HFE: variants seen among roughly 807,000 people sequenced by gnomAD.
HFE encodes the protein homeostatic iron regulator, also known as hereditary hemochromatosis protein.
In HFE, 36 loss-of-function variants were observed where a neutral mutation model predicts 40.9. The ratio of observed to expected loss-of-function variants is 0.88; its 90% CI spans 0.67 to 1.16. The LOEUF (loss-of-function observed/expected upper bound fraction) is 1.16. Ranked by LOEUF, HFE falls within the 50% of genes most tolerant of loss-of-function variation. The probability of loss-of-function intolerance (pLI) is 0.00; values close to 1 mark genes in which losing one functional copy is unlikely to be tolerated. For synonymous variants in HFE, 157 were observed against 165.4 expected (o/e 0.95, Z 0.39); for missense variants, 376 against 432.0 (o/e 0.87, Z 1.15).
rs1209233771 is a variant in HFE, at chr6:26,096,236, C to T, written c.*2010C>T. The T allele has an allele frequency of 2.2e-5, 6 of 270,770 alleles. No homozygotes were observed. The Admixed American group carries it at 2.5e-4, about 11-fold the overall frequency. 16.8% of individuals were successfully genotyped at this position (270,770 alleles called of 1,614,324 possible). A position where few individuals can be genotyped will look rare whatever the true frequency, so the allele number is the denominator to read the frequency against. The stretch of plus-strand genomic sequence containing the variant: ...GTAACCTCTGCCTCCCAGGTTCAAG[C>T]GATTCTCCTGTCTCAGCCTCCCAAG... On this transcript the variant is annotated 3_prime_UTR_variant, in exon 6 of 6. Coordinates refer to ENST00000357618, the MANE Select transcript of HFE (RefSeq NM_000410.4).
chr6:26,094,139 G>T (rs1572982), intron 5 of HFE, 47 bp from the exon 6 acceptor site: 8 of 1,582,416 alleles, frequency 5.1e-6, no homozygotes, highest in Admixed American at 5.0e-5. Flanking sequence ...AGGCAAGATG[G>T]TGCCTAGGTT....
At position 26,096,954 on chromosome 6, in the gene HFE, A is replaced by T. The variant is rs903386885; in HGVS notation, c.*2728A>T. Reference sequence around the variant, plus strand: ...TTGTCTTACGGAATATTTTCATTCAACTGTGGTAGCCGAATTAATCGTGTT... The same window carrying T: ...TTGTCTTACGGAATATTTTCATTCATCTGTGGTAGCCGAATTAATCGTGTT... On this transcript the variant is annotated 3_prime_UTR_variant, in exon 6 of 6. Transcript: ENST00000357618. 4.5e-6 allele frequency: 1 copy of T among 221,104 alleles called. No homozygotes were observed. Among genetic ancestry groups the T allele is most frequent in the East Asian group, 1.4e-4 (1 of 6,956 alleles). The allele number at this position is 221,104 out of a possible 1,614,324, so 13.7% of individuals were successfully genotyped here.
intron 1 of HFE, among the ~76,000 whole-genome samples, chr6:26,089,137 A>AGGGGGGGGG (rs1325415029): frequency 1.6e-5 from 1 of 62,632 alleles, no homozygotes; most frequent in African/African-American, 6.1e-5. Flanking sequence ...GGGGGTGGGA[A>AGGGGGGGGG]GGGGGACTAC....
In HFE at chr6:26,091,442, G is replaced by A. The variant is rs199879669; in HGVS notation, c.469G>A (p.Ala157Thr). ...EFCPDTLDWRAAEPRAWPTKL... is the reference protein window; with the variant it reads ...EFCPDTLDWRTAEPRAWPTKL... ...CTGCCCTGACACACTGGATTGGAGA[G>A]CAGCAGAACCCAGGGCCTGGCCCAC... The change falls in exon 3 of 6, where the codon GCA becomes ACA. Residue 157 changes from alanine to threonine, a missense_variant. Ala to Thr is a moderately conservative substitution (Grantham distance 58). Coordinates refer to ENST00000357618, the MANE Select transcript of HFE (RefSeq NM_000410.4). The A allele has an allele frequency of 1.2e-6, 2 of 1,614,196 alleles. No homozygotes were observed. Among genetic ancestry groups the A allele is most frequent in the South Asian group, 2.2e-5 (2 of 91,090 alleles).
Position 26,096,424 on chromosome 6 carries a change from C to T in HFE, c.*2198C>T, listed in dbSNP as rs1763034842. ...GCTGAGATTACAGGTGTGAGCCACC[C>T]TGCCCAGCCGTCAAAAGAGTCTTAA... is the stretch of plus-strand genomic sequence containing the variant. On this transcript the variant is annotated 3_prime_UTR_variant, in exon 6 of 6. Coordinates refer to ENST00000357618, the MANE Select transcript of HFE (RefSeq NM_000410.4). 1 of 455,108 alleles carries T rather than the reference C, an allele frequency of 2.2e-6. No individual in the cohort carries two copies. The highest frequency in any genetic ancestry group is 4.4e-6 in the Non-Finnish European group (1 of 226,732). 28.2% of individuals were successfully genotyped at this position (455,108 alleles called of 1,614,324 possible). A position where few individuals can be genotyped will look rare whatever the true frequency, so the allele number is the denominator to read the frequency against.
Position 26,094,459 on chromosome 6 carries a change from GTC to G in HFE, c.*238_*239del. On this transcript the variant is annotated 3_prime_UTR_variant, in exon 6 of 6. Transcript: ENST00000357618. ...TAGCTGTGACCTCTCCCCTGGAACT[GTC>G]TCTCATGAACCTCAAGCTGCATCTA... 2 of 703,778 alleles carry G rather than the reference GTC, an allele frequency of 2.8e-6. No homozygotes were observed. Among genetic ancestry groups the G allele is most frequent in the Middle Eastern group, 4.6e-4 (2 of 4,370 alleles). The allele number at this position is 703,778 out of a possible 1,614,324, so 43.6% of individuals were successfully genotyped here. A position where few individuals can be genotyped will look rare whatever the true frequency, so the allele number is the denominator to read the frequency against.
In HFE at chr6:26,091,056, T is replaced by G; in HGVS notation, c.292T>G (p.Phe98Val). Residue 98 changes from phenylalanine to valine, a missense_variant, in exon 2 of 6, where the codon TTC becomes GTC. Phe to Val is a conservative substitution (Grantham distance 50). This residue lies in a region of HFE where 200 missense variants were observed against 228.5 expected (regional missense o/e 0.88). Transcript: ENST00000357618. ...GAGTCTGAAAGGGTGGGATCACATG[T>G]TCACTGTTGACTTCTGGACTATTAT... ...SQSLKGWDHM[F>V]TVDFWTIMEN... is the part of the protein sequence containing the mutation. 6.2e-7 allele frequency: 1 copy of G among 1,614,174 alleles called. No homozygotes were observed. The highest frequency in any genetic ancestry group is 8.5e-7 in the Non-Finnish European group (1 of 1,180,022).
At chr6:26,090,473 T>TAAAAAAAAAAAAA (rs1762618407) in intron 1 of HFE, among the ~76,000 whole-genome samples, 1 of 75,958 alleles carries the variant, frequency 1.3e-5, no homozygotes, top group Non-Finnish European at 2.7e-5. Context: ...AAAAAAAAAC[T>TAAAAAAAAAAAAA]GAAGGAATTA....
rs79914884 is a variant in HFE, at chr6:26,096,447, T to C, written c.*2221T>C. Reference sequence around the variant, plus strand: ...CCCTGCCCAGCCGTCAAAAGAGTCTTAATATATATATCCAGATGGCATGTG... The same window carrying C: ...CCCTGCCCAGCCGTCAAAAGAGTCTCAATATATATATCCAGATGGCATGTG... On this transcript the variant is annotated 3_prime_UTR_variant, in exon 6 of 6. Transcript: ENST00000357618. 2.2e-5 allele frequency: 10 copies of C among 456,126 alleles called. No individual in the cohort carries two copies. The highest frequency in any genetic ancestry group is 1.4e-4 in the South Asian group (9 of 64,538). The allele number at this position is 456,126 out of a possible 1,614,324, so 28.3% of individuals were successfully genotyped here. A position where few individuals can be genotyped will look rare whatever the true frequency, so the allele number is the denominator to read the frequency against.
chr6:26,089,526 C>T (rs1291459984), intron 1 of HFE, among the ~76,000 whole-genome samples: 1 of 152,136 alleles, frequency 6.6e-6, no homozygotes, highest in African/African-American at 2.4e-5. Flanking sequence ...GAAGCTGTTA[C>T]ACAGTCCAGG....
At chr6:26,092,431 A>T (rs1243403599) in intron 3 of HFE, among the ~76,000 whole-genome samples, 1 of 152,194 alleles carries the variant, frequency 6.6e-6, no homozygotes. Flanking sequence ...GGGCAATTTT[A>T]TCTATCAGAA....
At chr6:26,092,483 A>G in intron 3 of HFE, 1 of 791,300 alleles carries the variant, frequency 1.3e-6, no homozygotes, top group Non-Finnish European at 2.1e-6. Flanking sequence ...ACATGTGAGG[A>G]GAACAAGCTG....
Position 26,092,738 on chromosome 6 carries a change from C to A in HFE, c.670C>A (p.Arg224=). The change falls in exon 4 of 6, where the codon CGG becomes AGG. Residue 224 remains arginine (R), a synonymous_variant. Coordinates refer to ENST00000357618, the MANE Select transcript of HFE (RefSeq NM_000410.4). ...TGTGACCTCTTCAGTGACCACTCTA[C>A]GGTGTCGGGCCTTGAACTACTACCC... ...HHVTSSVTTL[R]CRALNYYPQN... 1 of 1,614,190 alleles carries A rather than the reference C, an allele frequency of 6.2e-7. No individual in the cohort carries two copies. The highest frequency in any genetic ancestry group is 2.2e-5 in the East Asian group (1 of 44,886).
intron 1 of HFE, among the ~76,000 whole-genome samples, chr6:26,089,095 ATGTG>A (rs1299440344): frequency 1.0e-4 from 8 of 76,936 alleles, no homozygotes; most frequent in African/African-American, 4.6e-4. Flanking sequence ...AGCACTACTC[ATGTG>A]TGTGTGTGTG....
In HFE at chr6:26,096,656, T is replaced by G. The variant is rs889987639; in HGVS notation, c.*2430T>G. The stretch of plus-strand genomic sequence containing the variant: ...TCTTTTTTTGTGGTTAGAAAAGTTA[T>G]GTAGAAAAAAGTAAATGTGATTTAC... On this transcript the variant is annotated 3_prime_UTR_variant, in exon 6 of 6. Transcript: ENST00000357618. 2.3e-6 allele frequency: 1 copy of G among 442,230 alleles called. No homozygotes were observed. Among genetic ancestry groups the G allele is most frequent in the African/African-American group, 2.0e-5 (1 of 48,910 alleles). 27.4% of individuals were successfully genotyped at this position (442,230 alleles called of 1,614,324 possible).
At chr6:26,092,497 T>G (rs1183819793) in intron 3 of HFE, 188 bp from the exon 4 acceptor site, 1 of 887,804 alleles carries the variant, frequency 1.1e-6, no homozygotes, top group Non-Finnish European at 1.8e-6. Flanking sequence ...CAAGCTGATC[T>G]GACTGCTCTC....
In HFE at chr6:26,096,246, G is replaced by C. The variant is rs1044767616; in HGVS notation, c.*2020G>C. On this transcript the variant is annotated 3_prime_UTR_variant, in exon 6 of 6. Transcript: ENST00000357618. ...CCTCCCAGGTTCAAGCGATTCTCCT[G>C]TCTCAGCCTCCCAAGTAGCTGGGAT... 8 of 289,516 alleles carry C rather than the reference G, an allele frequency of 2.8e-5. No individual in the cohort carries two copies. The allele number at this position is 289,516 out of a possible 1,614,324, so 17.9% of individuals were successfully genotyped here.
In HFE at chr6:26,093,169, G is replaced by A; in HGVS notation, c.943G>A (p.Val315Ile). 7.4e-6 allele frequency: 12 copies of A among 1,614,108 alleles called. No homozygotes were observed. Among genetic ancestry groups the A allele is most frequent in the Non-Finnish European group, 1.0e-5 (12 of 1,180,008 alleles). Residue 315 changes from valine to isoleucine, a missense_variant, in exon 5 of 6, where the codon GTT becomes ATT. This residue lies in a region of HFE where 173 missense variants were observed against 186.9 expected (regional missense o/e 0.93). Coordinates refer to ENST00000357618, the MANE Select transcript of HFE (RefSeq NM_000410.4). ...LVIGVISGIA[V>I]FVVILFIGIL... ...CATTGGAGTCATCAGTGGAATTGCT[G>A]TTTTTGTCGTCATCTTGTTCATTGG... is the stretch of plus-strand genomic sequence containing the variant.
In HFE at chr6:26,094,801, C is replaced by T. The variant is rs1449428180; in HGVS notation, c.*575C>T. ...GAGTTGCACAGCTATGAAGGCTGTACACTGCACGAATGGAAGAGGCACCTG... is the reference window on the plus strand; with the variant it reads ...GAGTTGCACAGCTATGAAGGCTGTATACTGCACGAATGGAAGAGGCACCTG... On this transcript the variant is annotated 3_prime_UTR_variant, in exon 6 of 6. Coordinates refer to ENST00000357618, the MANE Select transcript of HFE (RefSeq NM_000410.4). 2 of 270,818 alleles carry T rather than the reference C, an allele frequency of 7.4e-6. No homozygotes were observed. The highest frequency in any genetic ancestry group is 1.4e-5 in the Non-Finnish European group (2 of 141,038). The allele number at this position is 270,818 out of a possible 1,614,324, so 16.8% of individuals were successfully genotyped here.
Sources: gnomAD v4.1 joint callset for allele counts (sites outside exome capture counted in the v4.1 genomes callset) on GRCh38, gnomAD v4.1.1 for gene constraint, gnomAD v4.1.1 regional missense constraint, MANE v1.5 for transcripts, NCBI Gene and HGNC (gene_info 2026-07-23, HGNC 2026-07-21) for gene names.